The following MPLKIP variants were observed in gnomAD, a reference collection of about 807,000 sequenced individuals.
MPLKIP encodes M-phase specific PLK1 interacting protein.
In MPLKIP, 16 loss-of-function variants were observed where a neutral mutation model predicts 16.9. The ratio of observed to expected loss-of-function variants is 0.94; its 90% CI spans 0.64 to 1.43. The LOEUF is 1.43. Ranked by LOEUF, MPLKIP falls within the 40% of genes most tolerant of loss-of-function variation. The pLI is 0.00. For missense variants in MPLKIP, 282 were observed against 237.6 expected, an observed-to-expected ratio of 1.19 and a Z score of -1.23; for synonymous variants, 126 against 98.4, an observed-to-expected ratio of 1.28 and a Z score of -1.66.
chr7:40,134,454 C>T lies in MPLKIP; in HGVS notation c.114G>A (p.Pro38=). ...RGTPGGGGPR[P]PSPRDGYGSP... The stretch of plus-strand genomic sequence containing the variant: ...TCCCGTACCCGTCTCGAGGGGAGGG[C>T]GGCCGTGGTCCGCCCCCGCCCGGGG... The change falls in exon 1 of 2, where the codon CCG becomes CCA. Residue 38 remains proline, a synonymous_variant. Transcript: ENST00000306984. 1 of 1,567,628 alleles carries T rather than the reference C, an allele frequency of 6.4e-7. No homozygotes were observed. The highest frequency in any genetic ancestry group is 1.2e-5 in the South Asian group (1 of 86,002).
Position 40,127,850 on chromosome 7 carries a change from C to T in MPLKIP, c.*5209G>A, listed in dbSNP as rs879520609. ...CTGAGGTCAGCTGTTCAAAACCAGC[C>T]TGGCCAACATGGCGAAACTCCATCT... is the stretch of plus-strand genomic sequence containing the variant. On this transcript the variant is annotated 3_prime_UTR_variant, in exon 2 of 2. Transcript: ENST00000306984. The T allele has an allele frequency of 2.0e-5, 3 of 152,274 alleles. No homozygotes were observed. Among genetic ancestry groups the T allele is most frequent in the Admixed American group, 6.6e-5 (1 of 15,264 alleles). 9.4% of individuals were successfully genotyped at this position (152,274 alleles called of 1,614,324 possible). A position where few individuals can be genotyped will look rare whatever the true frequency, so the allele number is the denominator to read the frequency against.
rs954516206 is a variant in MPLKIP, at chr7:40,130,990, C to T, written c.*2069G>A. The T allele has an allele frequency of 6.6e-6, 1 of 152,206 alleles. No individual in the cohort carries two copies. Among genetic ancestry groups the T allele is most frequent in the Non-Finnish European group, 1.5e-5 (1 of 68,040 alleles). The allele number at this position is 152,206 out of a possible 1,614,324, so 9.4% of individuals were successfully genotyped here. ...GGGGTAAATGAGAAAGTAACAGCTA[C>T]CACTTATTGAGTGCTTACTATGTGC... On this transcript the variant is annotated 3_prime_UTR_variant, in exon 2 of 2. Transcript: ENST00000306984.
In MPLKIP at chr7:40,133,321, G is replaced by T; in HGVS notation, c.340-62C>A. 2.1e-6 allele frequency: 3 copies of T among 1,440,806 alleles called. No homozygotes were observed. In the South Asian group the frequency reaches 3.4e-5, roughly 16 times the overall value. The allele number at this position is 1,440,806 out of a possible 1,614,324, so 89.3% of individuals were successfully genotyped here. On this transcript the variant is annotated intron_variant, in intron 1 of 1. Transcript: ENST00000306984. ...AAGATAATTGGTACTTCTTCCTTTAGCTAAAGGTTAGCGGGAATCACATTG... is the reference window on the plus strand; with the variant it reads ...AAGATAATTGGTACTTCTTCCTTTATCTAAAGGTTAGCGGGAATCACATTG...
In MPLKIP at chr7:40,131,916, T is replaced by A. The variant is rs1311706178; in HGVS notation, c.*1143A>T. On this transcript the variant is annotated 3_prime_UTR_variant, in exon 2 of 2. Coordinates refer to ENST00000306984, the MANE Select transcript of MPLKIP (RefSeq NM_138701.4). ...CAAAAATTAGCCAGGCATGGTGACA[T>A]GTGCCTGTAGTCCCAGCTACTCAGG... 6.6e-6 allele frequency: 1 copy of A among 151,476 alleles called. No homozygotes were observed. Among genetic ancestry groups the A allele is most frequent in the Non-Finnish European group, 1.5e-5 (1 of 67,968 alleles). 9.4% of individuals were successfully genotyped at this position (151,476 alleles called of 1,614,324 possible).
rs1787396884 is a variant in MPLKIP at position 40,126,770 on chromosome 7, A to T, written c.*6289T>A. The T allele has an allele frequency of 6.6e-6, 1 of 151,066 alleles. No individual in the cohort carries two copies. The highest frequency in any genetic ancestry group is 2.1e-4 in the South Asian group (1 of 4,746). 9.4% of individuals were successfully genotyped at this position (151,066 alleles called of 1,614,324 possible). A position where few individuals can be genotyped will look rare whatever the true frequency, so the allele number is the denominator to read the frequency against. On this transcript the variant is annotated 3_prime_UTR_variant, in exon 2 of 2. Transcript: ENST00000306984. ...GAATTTGAACAAATACAAGTATCTG[A>T]GAAGAGTTAACCCTAATTAAATAAA... is the stretch of plus-strand genomic sequence containing the variant.
In MPLKIP at chr7:40,130,436, A is replaced by G. The variant is rs907089106; in HGVS notation, c.*2623T>C. 6.6e-6 allele frequency: 1 copy of G among 152,224 alleles called. No individual in the cohort carries two copies. Among genetic ancestry groups the G allele is most frequent in the African/African-American group, 2.4e-5 (1 of 41,470 alleles). The allele number at this position is 152,224 out of a possible 1,614,324, so 9.4% of individuals were successfully genotyped here. A position where few individuals can be genotyped will look rare whatever the true frequency, so the allele number is the denominator to read the frequency against. On this transcript the variant is annotated 3_prime_UTR_variant, in exon 2 of 2. Transcript: ENST00000306984. ...TTTCCTGAGGACAAAAATTTTTCTT[A>G]AAAAACTCAGGCCAGGTCTCTAGAA...
rs1787451317 is a variant in MPLKIP, at chr7:40,130,788, A to G, written c.*2271T>C. 6.6e-6 allele frequency: 1 copy of G among 152,228 alleles called. No homozygotes were observed. The highest frequency in any genetic ancestry group is 2.4e-5 in the African/African-American group (1 of 41,448). The allele number at this position is 152,228 out of a possible 1,614,324, so 9.4% of individuals were successfully genotyped here. On this transcript the variant is annotated 3_prime_UTR_variant, in exon 2 of 2. Coordinates refer to ENST00000306984, the MANE Select transcript of MPLKIP (RefSeq NM_138701.4). Reference sequence around the variant, plus strand: ...ATGACCTCAACATATCTGGAAAGACATAATGTTGGGAATAAGGACTTTTTC... The same window carrying G: ...ATGACCTCAACATATCTGGAAAGACGTAATGTTGGGAATAAGGACTTTTTC...
Position 40,131,474 on chromosome 7 carries a change from T to G in MPLKIP, c.*1585A>C. The G allele has an allele frequency of 6.6e-6, 1 of 151,452 alleles. No individual in the cohort carries two copies. Among genetic ancestry groups the G allele is most frequent in the South Asian group, 2.1e-4 (1 of 4,824 alleles). 9.4% of individuals were successfully genotyped at this position (151,452 alleles called of 1,614,324 possible). A position where few individuals can be genotyped will look rare whatever the true frequency, so the allele number is the denominator to read the frequency against. On this transcript the variant is annotated 3_prime_UTR_variant, in exon 2 of 2. Transcript: ENST00000306984. ...CAGCACTGTGGGAGGCTGAGATGGG[T>G]GGATCATTTGAGATCATGAGTTCGA...
rs534453769 is a variant in MPLKIP, at chr7:40,131,950, G to C, written c.*1109C>G. On this transcript the variant is annotated 3_prime_UTR_variant, in exon 2 of 2. Transcript: ENST00000306984. ...AGTCCCAGCTACTCAGGAGCCGAAG[G>C]TTGCAGTGAGCCAAGATTGCACCAC... 3 of 152,328 alleles carry C rather than the reference G, an allele frequency of 2.0e-5. No individual in the cohort carries two copies. The highest frequency in any genetic ancestry group is 7.2e-5 in the African/African-American group (3 of 41,568). The allele number at this position is 152,328 out of a possible 1,614,324, so 9.4% of individuals were successfully genotyped here. A position where few individuals can be genotyped will look rare whatever the true frequency, so the allele number is the denominator to read the frequency against.
At position 40,133,280 on chromosome 7, in the gene MPLKIP, AAAAAAACACTTAGTAAAGAT is replaced by A. The variant is rs1311814844; in HGVS notation, c.340-41_340-22del. 2.5e-6 allele frequency: 4 copies of A among 1,596,512 alleles called. No individual in the cohort carries two copies. The African/African-American group carries it at 5.4e-5, about 21-fold the overall frequency. ...GAACCCTTTAGAAAAAAAATCAGTT[AAAAAAACACTTAGTAAAGAT>A]AATTGGTACTTCTTCCTTTAGCTAA... is the stretch of plus-strand genomic sequence containing the variant. On this transcript the variant is annotated intron_variant, in intron 1 of 1. Coordinates refer to ENST00000306984, the MANE Select transcript of MPLKIP (RefSeq NM_138701.4).
intron 1 of MPLKIP, 74 bp from the exon 2 acceptor site, chr7:40,133,333 C>T (rs1424413668): frequency 2.3e-6 from 3 of 1,313,704 alleles, no homozygotes; most frequent in African/African-American, 2.9e-5. Flanking sequence ...TAAAGGTTAG[C>T]GGGAATCACA....
rs547513119 is a variant in MPLKIP at position 40,126,321 on chromosome 7, G to T, written c.*6738C>A. On this transcript the variant is annotated 3_prime_UTR_variant, in exon 2 of 2. Transcript: ENST00000306984. ...TGTACACAATTTTAGATTTATTCAT[G>T]TTGTATCAAATGGCTCTAATTTAAT... is the stretch of plus-strand genomic sequence containing the variant. 6.6e-6 allele frequency: 1 copy of T among 152,310 alleles called. No homozygotes were observed. The highest frequency in any genetic ancestry group is 2.4e-5 in the African/African-American group (1 of 41,566). The allele number at this position is 152,310 out of a possible 1,614,324, so 9.4% of individuals were successfully genotyped here. A position where few individuals can be genotyped will look rare whatever the true frequency, so the allele number is the denominator to read the frequency against.
At position 40,130,245 on chromosome 7, in the gene MPLKIP, G is replaced by A. The variant is rs531610753; in HGVS notation, c.*2814C>T. 7.9e-5 allele frequency: 12 copies of A among 152,230 alleles called. No individual in the cohort carries two copies. The East Asian group carries it at 2.3e-3, about 29-fold the overall frequency. The allele number at this position is 152,230 out of a possible 1,614,324, so 9.4% of individuals were successfully genotyped here. ...TAAAAAGTTATTCAGCATTTTTATA[G>A]AGGTAAAATGTGTATCCTAGAACAT... is the stretch of plus-strand genomic sequence containing the variant. On this transcript the variant is annotated 3_prime_UTR_variant, in exon 2 of 2. Transcript: ENST00000306984.
rs1432092328 is a variant in MPLKIP at position 40,130,268 on chromosome 7, C to T, written c.*2791G>A. The T allele has an allele frequency of 6.6e-6, 1 of 152,124 alleles. No individual in the cohort carries two copies. The highest frequency in any genetic ancestry group is 2.4e-5 in the African/African-American group (1 of 41,426). 9.4% of individuals were successfully genotyped at this position (152,124 alleles called of 1,614,324 possible). A position where few individuals can be genotyped will look rare whatever the true frequency, so the allele number is the denominator to read the frequency against. On this transcript the variant is annotated 3_prime_UTR_variant, in exon 2 of 2. Transcript: ENST00000306984. ...TAGAGGTAAAATGTGTATCCTAGAA[C>T]ATTAAAAAACAATCCCTTTCATTTT...
rs1253486613 is a variant in MPLKIP at position 40,128,971 on chromosome 7, G to A, written c.*4088C>T. 1 of 148,476 alleles carries A rather than the reference G, an allele frequency of 6.7e-6. No individual in the cohort carries two copies. Among genetic ancestry groups the A allele is most frequent in the Non-Finnish European group, 1.5e-5 (1 of 67,436 alleles). The allele number at this position is 148,476 out of a possible 1,614,324, so 9.2% of individuals were successfully genotyped here. On this transcript the variant is annotated 3_prime_UTR_variant, in exon 2 of 2. Transcript: ENST00000306984. ...GAAATACAGAGTTTGCTTCACAGGA[G>A]ATTCACCAAAACTAATCATGCTTTT...
Position 40,133,126 on chromosome 7 carries a change from A to G in MPLKIP, c.473T>C (p.Val158Ala), listed in dbSNP as rs771993735. Residue 158 changes from valine to alanine, a missense_variant, in exon 2 of 2, where the codon GTG becomes GCG. Val to Ala is a moderately conservative substitution (Grantham distance 64, BLOSUM62 0). Coordinates refer to ENST00000306984, the MANE Select transcript of MPLKIP (RefSeq NM_138701.4). Reference protein sequence around the residue: ...PWAGLEPVSVVDISQQYSNTQ... With the variant: ...PWAGLEPVSVADISQQYSNTQ... ...ATTGCTGTATTGTTGGCTTATATCC[A>G]CTACAGATACTGGTTCTAGGCCAGC... 5.6e-6 allele frequency: 9 copies of G among 1,613,852 alleles called. No individual in the cohort carries two copies. Among genetic ancestry groups the G allele is most frequent in the Non-Finnish European group, 7.6e-6 (9 of 1,179,982 alleles).
intron 1 of MPLKIP, 41 bp from the exon 2 acceptor site, chr7:40,133,300 T>A: frequency 6.5e-7 from 1 of 1,540,942 alleles, no homozygotes; most frequent in Non-Finnish European, 8.9e-7. Flanking sequence ...TTAGTAAAGA[T>A]AATTGGTACT....
rs1176793070 is a variant in MPLKIP at position 40,126,311 on chromosome 7, A to C, written c.*6748T>G. The C allele has an allele frequency of 6.6e-6, 1 of 152,188 alleles. No individual in the cohort carries two copies. Among genetic ancestry groups the C allele is most frequent in the Non-Finnish European group, 1.5e-5 (1 of 68,028 alleles). 9.4% of individuals were successfully genotyped at this position (152,188 alleles called of 1,614,324 possible). A position where few individuals can be genotyped will look rare whatever the true frequency, so the allele number is the denominator to read the frequency against. ...GGCTTTTGTTTGTACACAATTTTAG[A>C]TTTATTCATGTTGTATCAAATGGCT... On this transcript the variant is annotated 3_prime_UTR_variant, in exon 2 of 2. Transcript: ENST00000306984.
chr7:40,133,886 T>TAAAAAAAAAAAAAAAAA (rs34937720), intron 1 of MPLKIP, among the ~76,000 whole-genome samples: 1 of 105,554 alleles, frequency 9.5e-6, no homozygotes, highest in Non-Finnish European at 1.9e-5. Flanking sequence ...GAAAGAAAGA[T>TAAAAAAAAAAAAAAAAA]AAAAAAAAAA....
Sources: allele counts gnomAD v4.1 joint callset (sites outside exome capture counted in the v4.1 genomes callset), GRCh38; gene constraint gnomAD v4.1.1; transcripts MANE v1.5; gene names NCBI Gene and HGNC (gene_info 2026-07-23, HGNC 2026-07-21).